PPP1R12B: variants seen among roughly 807,000 people sequenced by gnomAD.
PPP1R12B encodes the protein protein phosphatase 1 regulatory subunit 12B, also known as myosin phosphatase target subunit 2.
A neutral mutation model predicts 126.1 loss-of-function variants in PPP1R12B; 76 were observed. The observed-to-expected ratio is 0.60, with a 90% CI of 0.50 to 0.73. The LOEUF is 0.73. Among genes scored for constraint, PPP1R12B ranks in the 30% least tolerant of loss-of-function variants. The pLI is 0.00. For missense variants in PPP1R12B, 1,052 were observed against 1,205.1 expected (o/e 0.87, Z 1.88); for synonymous variants, 356 against 434.7 (o/e 0.82, Z 2.25).
intron 18 of PPP1R12B, among the ~76,000 whole-genome samples, chr1:202,501,233 GTGTTTGC>G (rs1189170376): frequency 6.6e-6 from 1 of 152,182 alleles, no homozygotes; most frequent in Non-Finnish European, 1.5e-5. Flanking sequence ...ATTCAGCAGT[GTGTTTGC>G]TGTTTTCTTT....
chr1:202,433,402 C>A (rs1252684382), intron 8 of PPP1R12B, among the ~76,000 whole-genome samples: 1 of 152,120 alleles, frequency 6.6e-6, no homozygotes, highest in Non-Finnish European at 1.5e-5. Context: ...GCATAAACAC[C>A]CACAGTACCC....
intron 12 of PPP1R12B, 44 bp downstream of exon 12, chr1:202,442,616 C>A: frequency 6.4e-7 from 1 of 1,558,712 alleles, no homozygotes; most frequent in Middle Eastern, 1.7e-4. Context: ...TTCACTCTAG[C>A]CATGGGAAAT....
rs542708416 is a variant in PPP1R12B, at chr1:202,399,277, G to A, written c.292-17510G>A. On this transcript the variant is annotated intron_variant, in intron 1 of 23. Coordinates refer to ENST00000608999, the MANE Select transcript of PPP1R12B (RefSeq NM_002481.4). ...CTCTGTCACCTAGGGCTGCAGTGTA[G>A]TGGTGCGTACATGGCTTACTGCAGC... Among the ~76,000 whole-genome samples, 3 of 152,220 alleles carry A rather than the reference G, an allele frequency of 2.0e-5. No individual in the cohort carries two copies. In the South Asian group the frequency reaches 6.2e-4, roughly 32 times the overall value.
chr1:202,394,308 A>G (rs1298629447), intron 1 of PPP1R12B, among the ~76,000 whole-genome samples: 18 of 152,384 alleles, frequency 1.2e-4, no homozygotes, highest in Non-Finnish European at 2.5e-4. Context: ...CCATCTCAAA[A>G]AAAGAAAAAA....
chr1:202,478,497 T>G (rs1030736552), intron 13 of PPP1R12B, among the ~76,000 whole-genome samples: 1 of 152,170 alleles, frequency 6.6e-6, no homozygotes, highest in Non-Finnish European at 1.5e-5. Context: ...GTACTAGAAT[T>G]TATGGGTTTT....
chr1:202,462,323 T>C (rs1202659578), intron 13 of PPP1R12B, among the ~76,000 whole-genome samples: 2 of 152,208 alleles, frequency 1.3e-5, no homozygotes, highest in African/African-American at 4.8e-5. Context: ...TCCGTATTTC[T>C]GTTGCTAAAC....
At chr1:202,398,534 T>C (rs892260245) in intron 1 of PPP1R12B, among the ~76,000 whole-genome samples, 17 of 152,240 alleles carry the variant, frequency 1.1e-4, no homozygotes, top group African/African-American at 4.1e-4. Context: ...TCCTTTAACC[T>C]GTTCTCCCAA....
chr1:202,551,737 A>T (rs2148987097), intron 18 of PPP1R12B, among the ~76,000 whole-genome samples: 1 of 152,346 alleles, frequency 6.6e-6, no homozygotes, highest in African/African-American at 2.4e-5. Flanking sequence ...GAGCCTTCTC[A>T]GCAGATGATG....
intron 13 of PPP1R12B, among the ~76,000 whole-genome samples, chr1:202,469,514 G>T (rs1675546618): frequency 6.6e-6 from 1 of 152,226 alleles, no homozygotes; most frequent in African/African-American, 2.4e-5. Flanking sequence ...TAGGACTGGG[G>T]TGACTACCAA....
intron 14 of PPP1R12B, among the ~76,000 whole-genome samples, chr1:202,492,034 G>A (rs371041102): frequency 8.6e-5 from 13 of 152,000 alleles, no homozygotes; most frequent in Admixed American, 4.6e-4. Flanking sequence ...TAAATCATCC[G>A]TGGCCTCTCT....
chr1:202,500,404 G>T (rs545779204), intron 18 of PPP1R12B, among the ~76,000 whole-genome samples: 3 of 152,136 alleles, frequency 2.0e-5, no homozygotes, highest in Admixed American at 1.3e-4. Flanking sequence ...ATACTATTTA[G>T]CCATAAAGAA....
At chr1:202,450,562 A>G (rs995676718) in intron 13 of PPP1R12B, among the ~76,000 whole-genome samples, 5 of 152,224 alleles carry the variant, frequency 3.3e-5, no homozygotes, top group Non-Finnish European at 7.4e-5. Context: ...GTTTGACTTC[A>G]TATTATTTTG....
At chr1:202,564,626 C>A (rs1396919509) in intron 21 of PPP1R12B, 79 bp downstream of exon 21, 1 of 1,172,104 alleles carries the variant, frequency 8.5e-7, no homozygotes, top group Non-Finnish European at 1.2e-6. Flanking sequence ...ATCTAAGGGA[C>A]AGGAAGTAAG....
chr1:202,396,099 C>T (rs1238436304), intron 1 of PPP1R12B, among the ~76,000 whole-genome samples: 2 of 152,180 alleles, frequency 1.3e-5, no homozygotes, highest in African/African-American at 4.8e-5. Flanking sequence ...GCTTTGCTTC[C>T]TACTCCACAA....
At chr1:202,408,129 A>G (rs953633482) in intron 1 of PPP1R12B, among the ~76,000 whole-genome samples, 2 of 152,154 alleles carry the variant, frequency 1.3e-5, no homozygotes, top group African/African-American at 2.4e-5. Flanking sequence ...CCAGTTCCCC[A>G]TGGATACTGA....
At chr1:202,393,048 G>A (rs1280660624) in intron 1 of PPP1R12B, among the ~76,000 whole-genome samples, 2 of 151,928 alleles carry the variant, frequency 1.3e-5, no homozygotes, top group African/African-American at 4.8e-5. Context: ...TGGGTTAAAG[G>A]GATTCTCGTG....
chr1:202,372,596 C>T lies in PPP1R12B; in HGVS notation c.291+23454C>T, dbSNP rs186167614. On this transcript the variant is annotated intron_variant, in intron 1 of 23. Coordinates refer to ENST00000608999, the MANE Select transcript of PPP1R12B (RefSeq NM_002481.4). The stretch of plus-strand genomic sequence containing the variant: ...GGAGGCTGGGCAACATAGAGAAACC[C>T]CATCTCTACAAAAAAACAAACAAAA... Among the ~76,000 whole-genome samples, 476 of 151,974 alleles carry T rather than the reference C, an allele frequency of 3.1e-3. 4 individuals carry two copies. Among genetic ancestry groups the T allele is most frequent in the Non-Finnish European group, 4.1e-3 (282 of 67,954 alleles).
At chr1:202,454,700 A>T (rs1224259984) in intron 13 of PPP1R12B, among the ~76,000 whole-genome samples, 1 of 152,090 alleles carries the variant, frequency 6.6e-6, no homozygotes, top group South Asian at 2.1e-4. Flanking sequence ...TTGGGAGGCC[A>T]AGTTGGGAGG....
At chr1:202,527,411 G>A (rs1050513448) in intron 18 of PPP1R12B, 6 of 152,156 alleles carry the variant, frequency 3.9e-5, no homozygotes, top group Admixed American at 1.3e-4. Flanking sequence ...AGCCCCATCA[G>A]GGAGGGTAAA....
Sources: gnomAD v4.1 joint callset for allele counts (sites outside exome capture counted in the v4.1 genomes callset) on GRCh38, gnomAD v4.1.1 for gene constraint, MANE v1.5 for transcripts, NCBI Gene and HGNC (gene_info 2026-07-23, HGNC 2026-07-21) for gene names.